Variants in PBX3 observed in about 807,000 individuals in gnomAD.
PBX3 encodes pre-B-cell leukemia transcription factor 3.
PBX3 carries 14 observed loss-of-function variants against 48.5 expected under a neutral mutation model. That is an observed-to-expected ratio of 0.29 (90% CI 0.19 to 0.45). PBX3 has a LOEUF of 0.45. Among genes scored for constraint, PBX3 ranks in the 20% least tolerant of loss-of-function variants. The pLI, the probability that PBX3 is intolerant of heterozygous loss-of-function variation, is 1.00. For synonymous variants in PBX3, 210 were observed against 200.3 expected, an observed-to-expected ratio of 1.05 and a Z score of -0.41; for missense variants, 386 against 546.7, an observed-to-expected ratio of 0.71 and a Z score of 2.93.
chr9:125,863,539 A>C (rs745610446), intron 2 of PBX3, among the ~76,000 whole-genome samples: 3 of 152,178 alleles, frequency 2.0e-5, no homozygotes, highest in Non-Finnish European at 4.4e-5. Flanking sequence ...ATTGGTGTTT[A>C]AAAAGTCTAA....
rs550171618 is a variant in PBX3 at position 125,939,701 on chromosome 9, A to G, written c.843+4094A>G. On this transcript the variant is annotated intron_variant, in intron 5 of 8. Transcript: ENST00000373489. The stretch of plus-strand genomic sequence containing the variant: ...GTCCACGGACTGGAGAAATGGATAA[A>G]TATGCTGTGTTATAATCCCACAATG... 2.0e-5 allele frequency among the ~76,000 whole-genome samples: 3 copies of G among 152,356 alleles called. No individual in the cohort carries two copies. The South Asian group carries it at 6.2e-4, about 32-fold the overall frequency.
intron 5 of PBX3, 96 bp from the exon 6 acceptor site, chr9:125,960,588 C>A: frequency 9.6e-7 from 1 of 1,043,512 alleles, no homozygotes; most frequent in Non-Finnish European, 1.5e-6. Flanking sequence ...AATTGTGTGT[C>A]TCCCAAGGTA....
Position 125,899,483 on chromosome 9 carries a change from AGAGAG to A in PBX3, c.275-16202_275-16198del, listed in dbSNP as rs1564163711. Among the ~76,000 whole-genome samples, 6 of 143,970 alleles carry A rather than the reference AGAGAG, an allele frequency of 4.2e-5. 1 individual carries two copies. The highest frequency in any genetic ancestry group is 4.1e-4 in the East Asian group (2 of 4,826). The allele number at this position is 143,970 out of a possible 152,430, so 94.4% of individuals were successfully genotyped here. On this transcript the variant is annotated intron_variant, in intron 2 of 8. Transcript: ENST00000373489. ...GAGAGAGAGAGAGAGAGAGAGAGAG[AGAGAG>A]CTCACCCACAGGCAGGGGAGGTTAT...
In PBX3 at chr9:125,779,466, G is replaced by C. The variant is rs868387471; in HGVS notation, c.274+30843G>C. On this transcript the variant is annotated intron_variant, in intron 2 of 8. Coordinates refer to ENST00000373489, the MANE Select transcript of PBX3 (RefSeq NM_006195.6). ...TTAGGGAGTGGTGATGATTCTTAAC[G>C]AGCATGCTGCCTTTCAAGCATCTGT... Among the ~76,000 whole-genome samples the C allele has an allele frequency of 5.2e-3, 680 of 129,552 alleles. 6 individuals carry two copies. The highest frequency in any genetic ancestry group is 0.02 in the African/African-American group (644 of 32,236). The allele number at this position is 129,552 out of a possible 152,430, so 85.0% of individuals were successfully genotyped here.
At chr9:125,880,868 T>C (rs1017180475) in intron 2 of PBX3, among the ~76,000 whole-genome samples, 9 of 152,238 alleles carry the variant, frequency 5.9e-5, no homozygotes, top group Admixed American at 5.9e-4. Context: ...TGTACATTTT[T>C]TGTGCAATAA....
rs746316410 is a variant in PBX3 at position 125,747,651 on chromosome 9, A to G, written c.198A>G (p.Ala66=). Residue 66 remains alanine (A), a splice_region_variant and synonymous_variant, in exon 1 of 9, where the codon GCA becomes GCG. Transcript: ENST00000373489. Reference sequence around the variant, plus strand: ...ACCAGAGCTTGGACGAGGCGCAAGCAAAGTTGGTGTCGTCTCATTAAGCAT... The same window carrying G: ...ACCAGAGCTTGGACGAGGCGCAAGCGAAGTTGGTGTCGTCTCATTAAGCAT... ...ITDQSLDEAQ[A]KKHALNCHRM... is the part of the protein sequence containing the mutation. The G allele has an allele frequency of 1.3e-6, 2 of 1,590,126 alleles. No individual in the cohort carries two copies. Among genetic ancestry groups the G allele is most frequent in the Non-Finnish European group, 1.7e-6 (2 of 1,168,658 alleles).
At position 125,789,732 on chromosome 9, in the gene PBX3, C is replaced by T. The variant is rs553263023; in HGVS notation, c.274+41109C>T. ...TAGGCAGTGGGACCATTGGAGCCTT[C>T]TTAGAGGCTGCCTACCACTCTGGGT... On this transcript the variant is annotated intron_variant, in intron 2 of 8. Transcript: ENST00000373489. 3.9e-5 allele frequency among the ~76,000 whole-genome samples: 6 copies of T among 152,190 alleles called. No homozygotes were observed. The East Asian group carries it at 5.8e-4, about 15-fold the overall frequency.
At chr9:125,767,977 G>T (rs1002161127) in intron 2 of PBX3, among the ~76,000 whole-genome samples, 1 of 141,032 alleles carries the variant, frequency 7.1e-6, no homozygotes, top group Non-Finnish European at 1.5e-5. Context: ...CCGGTGGGAC[G>T]GGGAGAGGGG....
At chr9:125,907,855 C>T (rs1176680634) in intron 2 of PBX3, among the ~76,000 whole-genome samples, 1 of 152,118 alleles carries the variant, frequency 6.6e-6, no homozygotes, top group Non-Finnish European at 1.5e-5. Flanking sequence ...ACCATGTGAT[C>T]TTGGGCTCTA....
intron 2 of PBX3, among the ~76,000 whole-genome samples, chr9:125,880,723 C>T (rs982996505): frequency 1.3e-4 from 20 of 152,106 alleles, no homozygotes; most frequent in South Asian, 2.1e-4. Context: ...AAAAATCAAA[C>T]GGTTATCTTT....
chr9:125,916,869 A>G (rs1004736440), intron 3 of PBX3, among the ~76,000 whole-genome samples: 1 of 152,204 alleles, frequency 6.6e-6, no homozygotes, highest in African/African-American at 2.4e-5. Context: ...TTTATAATAC[A>G]TGTACACAAA....
chr9:125,800,871 G>C (rs1176323760), intron 2 of PBX3, among the ~76,000 whole-genome samples: 1 of 150,504 alleles, frequency 6.6e-6, no homozygotes, highest in Non-Finnish European at 1.5e-5. Context: ...TCCTACCTCA[G>C]TGTCTCCAGT....
intron 2 of PBX3, among the ~76,000 whole-genome samples, chr9:125,853,615 C>T (rs976783831): frequency 3.3e-5 from 5 of 152,090 alleles, no homozygotes; most frequent in African/African-American, 1.2e-4. Flanking sequence ...AATCCATCTT[C>T]GAATGTATCC....
chr9:125,910,569 C>T (rs1394658557), intron 2 of PBX3, among the ~76,000 whole-genome samples: 4 of 151,656 alleles, frequency 2.6e-5, no homozygotes, highest in African/African-American at 4.8e-5. Flanking sequence ...AGTGCATTGC[C>T]GTGTTATATT....
chr9:125,962,900 T>A (rs1250384100), intron 7 of PBX3, 112 bp from the exon 8 acceptor site: 3 of 463,854 alleles, frequency 6.5e-6, no homozygotes, highest in Middle Eastern at 4.5e-4. Context: ...AATTTGTCTT[T>A]CATTGAAGAT....
At chr9:125,804,113 C>G (rs564229562) in intron 2 of PBX3, among the ~76,000 whole-genome samples, 8 of 152,206 alleles carry the variant, frequency 5.3e-5, no homozygotes, top group Non-Finnish European at 7.4e-5. Flanking sequence ...TCAGATCAGT[C>G]TTGGGGATAA....
intron 2 of PBX3, among the ~76,000 whole-genome samples, chr9:125,765,213 A>T (rs1054626594): frequency 4.0e-4 from 60 of 151,008 alleles, no homozygotes; most frequent in Admixed American, 2.4e-3. Context: ...GCAGTGGTAC[A>T]GTCATGGCTC....
intron 8 of PBX3, among the ~76,000 whole-genome samples, chr9:125,963,388 C>A (rs558865739): frequency 6.6e-6 from 1 of 151,996 alleles, no homozygotes; most frequent in Non-Finnish European, 1.5e-5. Context: ...TCCAGGGAGA[C>A]GGTAGAAAAC....
At chr9:125,770,767 G>A (rs1434196389) in intron 2 of PBX3, among the ~76,000 whole-genome samples, 2 of 152,068 alleles carry the variant, frequency 1.3e-5, no homozygotes, top group Non-Finnish European at 2.9e-5. Context: ...TATGTATTTT[G>A]GAAATATTTG....
Sources: allele counts gnomAD v4.1 joint callset (sites outside exome capture counted in the v4.1 genomes callset), GRCh38; gene constraint gnomAD v4.1.1; transcripts MANE v1.5; gene names NCBI Gene and HGNC (gene_info 2026-07-23, HGNC 2026-07-21).